Variants in CDKL3 observed in about 807,000 individuals in gnomAD.
CDKL3 encodes the protein cyclin-dependent kinase-like 3.
CDKL3 carries 65 observed loss-of-function variants against 69.3 expected under a neutral mutation model. The ratio of observed to expected loss-of-function variants is 0.94; its 90% CI spans 0.77 to 1.15. The LOEUF is 1.15. CDKL3 is among the 50% of genes most tolerant of loss of function. CDKL3 has a pLI of 0.00. For missense variants in CDKL3, 652 were observed against 689.2 expected (o/e 0.95, Z 0.61); for synonymous variants, 202 against 221.6 (o/e 0.91, Z 0.79).
intron 4 of CDKL3, among the ~76,000 whole-genome samples, chr5:134,344,433 T>G (rs1751299567): frequency 6.6e-6 from 1 of 152,150 alleles, no homozygotes; most frequent in African/African-American, 2.4e-5. Context: ...CAGAAAATTC[T>G]TACAACTCAA....
downstream of CDKL3, among the ~76,000 whole-genome samples, chr5:134,286,104 G>A (rs1561480772): frequency 6.6e-6 from 1 of 152,128 alleles, no homozygotes; most frequent in Non-Finnish European, 1.5e-5. Context: ...ACTGGTTATA[G>A]AGTGAGACTG....
At chr5:134,369,965 T>G (rs1209253664), upstream of CDKL3, among the ~76,000 whole-genome samples, 1 of 152,166 alleles carries the variant, frequency 6.6e-6, no homozygotes, top group African/African-American at 2.4e-5. Context: ...GCAAAAAAAT[T>G]AAGAATATTC....
At chr5:134,365,156 G>C (rs992631807) in intron 2 of CDKL3, among the ~76,000 whole-genome samples, 3 of 151,790 alleles carry the variant, frequency 2.0e-5, no homozygotes, top group South Asian at 4.2e-4. Flanking sequence ...CTAATTTTTT[G>C]TATTTTTTAG....
At chr5:134,326,702 G>A (rs1049951944) in intron 4 of CDKL3, among the ~76,000 whole-genome samples, 32 of 150,838 alleles carry the variant, frequency 2.1e-4, no homozygotes, top group African/African-American at 6.6e-4. Context: ...GTGCAATGGC[G>A]CAGTCTCAGC....
chr5:134,294,871 C>A (rs968361071), downstream of CDKL3, among the ~76,000 whole-genome samples: 35 of 151,726 alleles, frequency 2.3e-4, no homozygotes, highest in Non-Finnish European at 8.8e-5. Flanking sequence ...CATCAAAAAC[C>A]AAAATATATA....
At chr5:134,363,274 T>C (rs928843500) in intron 2 of CDKL3, among the ~76,000 whole-genome samples, 4 of 152,034 alleles carry the variant, frequency 2.6e-5, no homozygotes, top group East Asian at 3.9e-4. Flanking sequence ...CACTTTTCAT[T>C]GTCTAGAAAT....
intron 7 of CDKL3, 143 bp from the exon 8 acceptor site, chr5:134,308,870 C>T: frequency 2.7e-6 from 2 of 732,728 alleles, no homozygotes; most frequent in Non-Finnish European, 4.0e-6. Context: ...CAAGAGATGG[C>T]CCAACATTTA....
At chr5:134,308,002 G>A in intron 9 of CDKL3, 136 bp downstream of exon 9, 1 of 1,332,950 alleles carries the variant, frequency 7.5e-7, no homozygotes, top group Non-Finnish European at 9.8e-7. Context: ...CTCAGTAAAT[G>A]GCCCATTATA....
chr5:134,361,773 G>A (rs531657207), intron 2 of CDKL3, among the ~76,000 whole-genome samples: 2 of 152,262 alleles, frequency 1.3e-5, no homozygotes, highest in East Asian at 3.9e-4. Flanking sequence ...GCGTGGTGGT[G>A]GGCACCTGTA....
At chr5:134,293,223 T>C (rs531310188) in intron 8 of CDKL3, among the ~76,000 whole-genome samples, 17 of 151,894 alleles carry the variant, frequency 1.1e-4, no homozygotes, top group African/African-American at 4.1e-4. Context: ...TTTCTCCATG[T>C]TGGTCAGGCT....
chr5:134,326,809 A>ATGTGTGTGTATATATATATATG (rs1774337134), intron 4 of CDKL3, among the ~76,000 whole-genome samples: 1 of 127,724 alleles, frequency 7.8e-6, no homozygotes, highest in African/African-American at 3.0e-5. Flanking sequence ...ATATATATAT[A>ATGTGTGTGTATATATATATATG]TGTGTGTGTA....
chr5:134,300,009 G>A (rs1486878034), intron 12 of CDKL3, among the ~76,000 whole-genome samples: 1 of 152,086 alleles, frequency 6.6e-6, no homozygotes, highest in Non-Finnish European at 1.5e-5. Context: ...CCTATTCAAT[G>A]CATGCACGCA....
intron 6 of CDKL3, among the ~76,000 whole-genome samples, chr5:134,313,631 A>G (rs989168645): frequency 2.6e-5 from 4 of 152,158 alleles, no homozygotes; most frequent in Non-Finnish European, 5.9e-5. Flanking sequence ...GCATATTTAA[A>G]CTGATTCACA....
intron 3 of CDKL3, among the ~76,000 whole-genome samples, chr5:134,353,416 A>G (rs1025693482): frequency 2.0e-5 from 3 of 152,142 alleles, no homozygotes; most frequent in African/African-American, 7.2e-5. Flanking sequence ...TTCCTAGTTC[A>G]GGTCTCCCCA....
chr5:134,304,074 A>G (rs1429041840), intron 11 of CDKL3, among the ~76,000 whole-genome samples: 1 of 151,840 alleles, frequency 6.6e-6, no homozygotes, highest in Non-Finnish European at 1.5e-5. Flanking sequence ...CTGGGACTAC[A>G]GGCACACACC....
At chr5:134,285,625 A>T (rs1241108441), downstream of CDKL3, among the ~76,000 whole-genome samples, 1 of 152,092 alleles carries the variant, frequency 6.6e-6, no homozygotes, top group East Asian at 1.9e-4. Flanking sequence ...CATTTTCCCC[A>T]TTGTCTTGGG....
At chr5:134,345,543 G>A (rs1365036780) in intron 4 of CDKL3, among the ~76,000 whole-genome samples, 1 of 152,190 alleles carries the variant, frequency 6.6e-6, no homozygotes, top group Non-Finnish European at 1.5e-5. Flanking sequence ...AGGTGCAGGC[G>A]GGCTGAGTCC....
At chr5:134,306,478 CAG>C (rs1767860698) in intron 10 of CDKL3, 129 bp downstream of exon 10, 1 of 614,554 alleles carries the variant, frequency 1.6e-6, no homozygotes, top group Non-Finnish European at 2.9e-6. Flanking sequence ...GTCTGGGCAA[CAG>C]AGAGAGATCC....
intron 6 of CDKL3, among the ~76,000 whole-genome samples, chr5:134,314,176 A>T (rs556599123): frequency 1.9e-4 from 29 of 152,244 alleles, no homozygotes; most frequent in African/African-American, 6.3e-4. Context: ...CAAACAAATT[A>T]AAAAAACCCT....
Sources: gnomAD v4.1 joint callset for allele counts (sites outside exome capture counted in the v4.1 genomes callset) on GRCh38, gnomAD v4.1.1 for gene constraint, MANE v1.5 for transcripts, NCBI Gene and HGNC (gene_info 2026-07-23, HGNC 2026-07-21) for gene names.